Variants in IL13RA1 observed in about 807,000 individuals in gnomAD.
IL13RA1 encodes interleukin-13 receptor subunit alpha-1.
IL13RA1 carries 14 observed loss-of-function variants against 33.8 expected under a neutral mutation model. That is an observed-to-expected ratio of 0.41 (90% confidence interval 0.27 to 0.65). The LOEUF is 0.65. Among genes scored for constraint, IL13RA1 ranks in the 30% least tolerant of loss-of-function variants. IL13RA1 has a pLI of 0.28. For synonymous variants in IL13RA1, 116 were observed against 115.7 expected (o/e 1.00, Z -0.02); for missense variants, 313 against 327.0 (o/e 0.96, Z 0.33).
At chrX:118,758,379 T>G (rs1390182893) in intron 5 of IL13RA1, 137 bp downstream of exon 5, 1 of 348,611 alleles carries the variant, frequency 2.9e-6, no homozygotes, top group Non-Finnish European at 5.1e-6. Flanking sequence ...ATGTATAACT[T>G]TCTTTGATAG....
At chrX:118,768,346 C>T (rs1227963473) in intron 8 of IL13RA1, among the ~76,000 whole-genome samples, 4 of 111,831 alleles carry the variant, frequency 3.6e-5, no homozygotes, top group South Asian at 7.5e-4. Context: ...AGTCTAGCCA[C>T]GGCTTAGCTG....
At chrX:118,747,953 G>A (rs918380132) in intron 3 of IL13RA1, among the ~76,000 whole-genome samples, 44 of 106,300 alleles carry the variant, frequency 4.1e-4, no homozygotes, top group African/African-American at 1.3e-3. Flanking sequence ...GGATGATTAC[G>A]TAAGTCAGTA....
intron 6 of IL13RA1, among the ~76,000 whole-genome samples, chrX:118,763,327 T>A (rs1245509821): frequency 8.9e-6 from 1 of 112,724 alleles, no homozygotes; most frequent in Non-Finnish European, 1.9e-5. Flanking sequence ...AAGCACTATA[T>A]CTGAATTGTT....
downstream of IL13RA1, among the ~76,000 whole-genome samples, chrX:118,799,097 C>T (rs895941467): frequency 1.8e-5 from 2 of 113,076 alleles, no homozygotes; most frequent in Non-Finnish European, 3.8e-5. Flanking sequence ...ACTTAGCACC[C>T]GGGCCAATGG....
At chrX:118,784,156 C>CGTATATATATGTATATAT (rs1569459461) in intron 10 of IL13RA1, among the ~76,000 whole-genome samples, 21 of 65,228 alleles carry the variant, frequency 3.2e-4, no homozygotes, top group African/African-American at 1.7e-3. Flanking sequence ...TACGTATATA[C>CGTATATATATGTATATAT]ACATATATAC....
At chrX:118,746,920 T>C (rs1253527832) in intron 2 of IL13RA1, 34 bp from the exon 3 acceptor site, 1 of 1,112,556 alleles carries the variant, frequency 9.0e-7, no homozygotes, top group Admixed American at 2.3e-5. Context: ...GTGTGTTAGC[T>C]GAAGCAATGC....
chrX:118,753,835 A>T (rs1316982), intron 4 of IL13RA1, among the ~76,000 whole-genome samples: 19,439 of 112,571 alleles, frequency 0.17, 1,482 homozygotes, highest in East Asian at 0.41. Flanking sequence ...CTTGTCATAT[A>T]CAGTCCCAGA....
At chrX:118,784,567 T>C (rs757535508) in intron 10 of IL13RA1, among the ~76,000 whole-genome samples, 28 of 111,772 alleles carry the variant, frequency 2.5e-4, no homozygotes, top group Non-Finnish European at 4.5e-4. Context: ...TGTCCTCATA[T>C]AGAGCCCTCA....
At position 118,785,871 on chromosome X, in the gene IL13RA1, TCTTTTA is replaced by T. The variant is rs767306515; in HGVS notation, c.1192-5884_1192-5879del. Among the ~76,000 whole-genome samples, 73 of 112,000 alleles carry T rather than the reference TCTTTTA, an allele frequency of 6.5e-4. 1 individual carries two copies. Among genetic ancestry groups the T allele is most frequent in the African/African-American group, 2.2e-3 (69 of 30,924 alleles). On this transcript the variant is annotated intron_variant, in intron 10 of 10. Coordinates refer to ENST00000371666, the MANE Select transcript of IL13RA1 (RefSeq NM_001560.3). ...AAGCATGAGCCACTGCGCCCAGCCT[TCTTTTA>T]CTTTTAATTCTTCTGTGAGTTTTGT... is the stretch of plus-strand genomic sequence containing the variant.
the IL13RA1 span, among the ~76,000 whole-genome samples, chrX:118,800,701 C>A: frequency 9.0e-6 from 1 of 111,524 alleles, no homozygotes; most frequent in African/African-American, 3.3e-5. Flanking sequence ...ACCTTCCGGG[C>A]TGAAGTGATC....
chrX:118,773,561 T>C (rs775326500), intron 8 of IL13RA1, among the ~76,000 whole-genome samples: 8 of 112,128 alleles, frequency 7.1e-5, no homozygotes, highest in Non-Finnish European at 1.5e-4. Context: ...CAGATTAAAT[T>C]AATGAATATG....
chrX:118,783,685 C>T (rs776106627), intron 10 of IL13RA1, among the ~76,000 whole-genome samples: 1 of 109,013 alleles, frequency 9.2e-6, no homozygotes, highest in South Asian at 3.9e-4. Context: ...GTCTAATGAC[C>T]GGAAACAAAA....
At chrX:118,741,784 T>G (rs184679328) in intron 2 of IL13RA1, among the ~76,000 whole-genome samples, 68 of 111,695 alleles carry the variant, frequency 6.1e-4, no homozygotes, top group African/African-American at 1.9e-3. Flanking sequence ...ATACCTTCTT[T>G]CGGTGTGTAT....
intron 1 of IL13RA1, among the ~76,000 whole-genome samples, chrX:118,728,076 C>T (rs1400602359): frequency 8.9e-6 from 1 of 112,727 alleles, no homozygotes; most frequent in Non-Finnish European, 1.9e-5. Flanking sequence ...AACATGCCCA[C>T]GGCGTCAGAG....
At chrX:118,741,203 A>G (rs975796323) in intron 2 of IL13RA1, 47 bp downstream of exon 2, 6 of 873,024 alleles carry the variant, frequency 6.9e-6, no homozygotes, top group Non-Finnish European at 6.7e-6. Context: ...AGTGAACACT[A>G]TGAATTGGAG....
chrX:118,770,728 G>T, intron 8 of IL13RA1: 1 of 363,924 alleles, frequency 2.7e-6, no homozygotes, highest in South Asian at 2.6e-5. Context: ...GTGGATGGGT[G>T]GCAGGAACCC....
intron 6 of IL13RA1, among the ~76,000 whole-genome samples, chrX:118,762,564 C>T (rs2017600939): frequency 9.0e-6 from 1 of 111,723 alleles, no homozygotes; most frequent in African/African-American, 3.3e-5. Flanking sequence ...GAGGGAGTGA[C>T]CAAGTCCACA....
chrX:118,791,803 G>A lies in IL13RA1; in HGVS notation c.1233G>A (p.Glu411=). 1 of 1,098,521 alleles carries A rather than the reference G, an allele frequency of 9.1e-7. No homozygotes were observed. The highest frequency in any genetic ancestry group is 1.3e-6 in the Non-Finnish European group (1 of 795,589). The allele number at this position is 1,098,521 out of a possible 1,213,427, so 90.5% of individuals were successfully genotyped here. A position where few individuals can be genotyped will look rare whatever the true frequency, so the allele number is the denominator to read the frequency against. Residue 411 remains glutamate, a synonymous_variant, in exon 11 of 11, where the codon GAG becomes GAA. Transcript: ENST00000371666. ...ACATCTATGAGAAGCAAACCAAGGAGGAAACCGACTCTGTAGTGCTGATAG... is the reference window on the plus strand; with the variant it reads ...ACATCTATGAGAAGCAAACCAAGGAAGAAACCGACTCTGTAGTGCTGATAG... ...KYDIYEKQTK[E]ETDSVVLIEN...
At chrX:118,769,031 A>T (rs925988505) in intron 8 of IL13RA1, among the ~76,000 whole-genome samples, 40 of 112,687 alleles carry the variant, frequency 3.5e-4, no homozygotes, top group African/African-American at 1.3e-3. Flanking sequence ...AGCAAGAAAC[A>T]GTGTGAGAGA....
Sources: gnomAD v4.1 joint callset for allele counts (sites outside exome capture counted in the v4.1 genomes callset) on GRCh38, gnomAD v4.1.1 for gene constraint, MANE v1.5 for transcripts, NCBI Gene and HGNC (gene_info 2026-07-23, HGNC 2026-07-21) for gene names.